Variants in MDH2 observed in about 807,000 individuals in gnomAD.
MDH2 encodes malate dehydrogenase 2.
MDH2 carries 25 observed loss-of-function variants against 33.6 expected under a neutral mutation model. The observed-to-expected ratio is 0.74, with a 90% CI of 0.54 to 1.04. The LOEUF (loss-of-function observed/expected upper bound fraction) is 1.04, where lower values mean the gene tolerates loss of function less well. Among genes scored for constraint, MDH2 ranks in the 50% least tolerant of loss-of-function variants. The pLI is 0.00. For missense variants in MDH2, 432 were observed against 445.0 expected (o/e 0.97, Z 0.26); for synonymous variants, 193 against 188.7 (o/e 1.02, Z -0.19).
intron 1 of MDH2, 103 bp from the exon 2 acceptor site, chr7:76,054,727 C>A: frequency 7.7e-7 from 1 of 1,303,816 alleles, no homozygotes; most frequent in Non-Finnish European, 1.1e-6. Flanking sequence ...CTTGCTTTGG[C>A]AACTGCAGTA....
chr7:76,057,675 G>T (rs544540935), intron 3 of MDH2, among the ~76,000 whole-genome samples, 182 bp downstream of exon 3: 3 of 152,096 alleles, frequency 2.0e-5, no homozygotes, highest in Non-Finnish European at 2.9e-5. Flanking sequence ...TCGTCTTGCC[G>T]TTCCCCTGTG....
chr7:76,048,669 T>C (rs1391800297), intron 1 of MDH2: 1 of 1,249,492 alleles, frequency 8.0e-7, no homozygotes, highest in East Asian at 3.1e-5. Flanking sequence ...TTCCATAGTA[T>C]GGACAAACCG....
intron 8 of MDH2, among the ~76,000 whole-genome samples, chr7:76,065,961 G>A (rs1026603346): frequency 6.6e-6 from 1 of 152,204 alleles, no homozygotes; most frequent in Non-Finnish European, 1.5e-5. Context: ...TTGTCGCATT[G>A]TCCTCGTGTT....
intron 4 of MDH2, among the ~76,000 whole-genome samples, chr7:76,059,527 G>A (rs772446221): frequency 2.0e-5 from 3 of 152,210 alleles, no homozygotes; most frequent in East Asian, 1.9e-4. Context: ...CTGAGAGGGC[G>A]GCCATGGTTC....
intron 8 of MDH2, 62 bp from the exon 9 acceptor site, chr7:76,066,217 G>A (rs1220118383): frequency 1.2e-5 from 19 of 1,579,430 alleles, no homozygotes; most frequent in East Asian, 4.5e-5. Context: ...GCGACAGGTC[G>A]GGGTTTCTCT....
intron 1 of MDH2, chr7:76,049,132 C>G: frequency 2.0e-6 from 2 of 983,054 alleles, no homozygotes; most frequent in Non-Finnish European, 2.4e-6. Context: ...TCGAAGTTCT[C>G]GAGTTTCCTG....
Position 76,048,214 on chromosome 7 carries a change from C to G in MDH2, c.54C>G (p.Ser18Arg). 6.5e-7 allele frequency: 1 copy of G among 1,535,662 alleles called. No homozygotes were observed. The highest frequency in any genetic ancestry group is 1.2e-5 in the South Asian group (1 of 83,980). ...PASAALRRSF[S>R]TSAQNNAKVA... ...GCGCTGCTCTCCGCCGCAGCTTCAGCACCTCGGCCCAGGTAGGCCAGACGA... is the reference window on the plus strand; with the variant it reads ...GCGCTGCTCTCCGCCGCAGCTTCAGGACCTCGGCCCAGGTAGGCCAGACGA... Residue 18 changes from serine to arginine, a missense_variant, in exon 1 of 9, where the codon AGC becomes AGG. Transcript: ENST00000315758.
At chr7:76,064,573 C>A in intron 7 of MDH2, 135 bp downstream of exon 7, 1 of 970,410 alleles carries the variant, frequency 1.0e-6, no homozygotes, top group Non-Finnish European at 1.5e-6. Context: ...GGTGGAAAAT[C>A]CCTGTGTGAG....
intron 3 of MDH2, among the ~76,000 whole-genome samples, 181 bp downstream of exon 3, chr7:76,057,674 C>A (rs1047098631): frequency 2.6e-5 from 4 of 152,136 alleles, no homozygotes; most frequent in Non-Finnish European, 5.9e-5. Context: ...GTCGTCTTGC[C>A]GTTCCCCTGT....
chr7:76,058,067 A>G lies in MDH2; in HGVS notation c.418A>G (p.Ile140Val). 2 of 1,613,048 alleles carry G rather than the reference A, an allele frequency of 1.2e-6. No individual in the cohort carries two copies. Among genetic ancestry groups the G allele is most frequent in the Non-Finnish European group, 1.7e-6 (2 of 1,179,938 alleles). The change falls in exon 4 of 9, where the codon ATT becomes GTT. Residue 140 changes from isoleucine (I) to valine (V), a missense_variant. By Grantham distance (29) the Ile-to-Val change is conservative. Coordinates refer to ENST00000315758, the MANE Select transcript of MDH2 (RefSeq NM_005918.4). ...CTGCCCGGAAGCCATGATCTGCGTCATTGCCAATCCGGTGAGTGTGGCAGC... is the reference window on the plus strand; with the variant it reads ...CTGCCCGGAAGCCATGATCTGCGTCGTTGCCAATCCGGTGAGTGTGGCAGC... ...QHCPEAMICV[I>V]ANPVNSTIPI...
In MDH2 at chr7:76,064,949, T is replaced by C; in HGVS notation, c.881T>C (p.Leu294Pro). Residue 294 changes from leucine (L) to proline (P), a missense_variant, in exon 8 of 9, where the codon CTT becomes CCT. By Grantham distance (98) the Leu-to-Pro change is moderately conservative. Transcript: ENST00000315758. ...ECTYFSTPLL[L>P]GKKGIEKNLG... ...ACCTACTTCTCCACACCGCTGCTGCTTGGGGTACGTATCCAGGCGTGGGTC... is the reference window on the plus strand; with the variant it reads ...ACCTACTTCTCCACACCGCTGCTGCCTGGGGTACGTATCCAGGCGTGGGTC... 5.0e-6 allele frequency: 8 copies of C among 1,614,120 alleles called. No individual in the cohort carries two copies. The highest frequency in any genetic ancestry group is 6.8e-6 in the Non-Finnish European group (8 of 1,180,006).
intron 1 of MDH2, chr7:76,048,961 A>G: frequency 1.6e-6 from 1 of 614,900 alleles, no homozygotes; most frequent in Non-Finnish European, 1.9e-6. Flanking sequence ...GTCTGGGTTC[A>G]TTGAAGAAGC....
In MDH2 at chr7:76,049,613, G is replaced by A. The variant is rs138497513; in HGVS notation, c.66+1387G>A. On this transcript the variant is annotated intron_variant, in intron 1 of 8. Transcript: ENST00000315758. The stretch of plus-strand genomic sequence containing the variant: ...CCAAAGAGAGGACAGGGGTGTCCAG[G>A]GAGAGGTTGAGTTTTGGTAGGACCT... Among the ~76,000 whole-genome samples the A allele has an allele frequency of 2.1e-3, 313 of 152,222 alleles. 2 individuals carry two copies. Among genetic ancestry groups the A allele is most frequent in the African/African-American group, 7.1e-3 (296 of 41,524 alleles).
intron 6 of MDH2, 97 bp downstream of exon 6, chr7:76,063,689 C>A: frequency 2.4e-6 from 3 of 1,272,504 alleles, no homozygotes; most frequent in South Asian, 2.4e-5. Context: ...AAGGCCTGGC[C>A]ACGTGCCAGG....
At chr7:76,057,886 G>A (rs571446057) in intron 3 of MDH2, 83 bp from the exon 4 acceptor site, 1 of 1,344,130 alleles carries the variant, frequency 7.4e-7, no homozygotes, top group African/African-American at 1.4e-5. Flanking sequence ...TAAATTTCCT[G>A]TAACAGCTGG....
At chr7:76,060,833 G>T (rs531258702) in intron 5 of MDH2, among the ~76,000 whole-genome samples, 2 of 151,890 alleles carry the variant, frequency 1.3e-5, no homozygotes, top group South Asian at 4.2e-4. Flanking sequence ...CTTTCTCCTT[G>T]CCCCTGAAAA....
chr7:76,054,605 C>T, intron 1 of MDH2: 1 of 554,534 alleles, frequency 1.8e-6, no homozygotes, highest in African/African-American at 1.9e-5. Flanking sequence ...TTGAAGTACC[C>T]TGAGTATCAC....
Position 76,064,808 on chromosome 7 carries a change from C to A in MDH2, c.740C>A (p.Ala247Asp). ...VVKAKAGAGS[A>D]TLSMAYAGAR... ...CCTGTCTGTGCCCCCCTAGGCTCTG[C>A]CACCCTCTCCATGGCGTATGCCGGC... Residue 247 changes from alanine to aspartate, a missense_variant, in exon 8 of 9, where the codon GCC becomes GAC. Coordinates refer to ENST00000315758, the MANE Select transcript of MDH2 (RefSeq NM_005918.4). 1 of 1,613,690 alleles carries A rather than the reference C, an allele frequency of 6.2e-7. No individual in the cohort carries two copies. The highest frequency in any genetic ancestry group is 8.5e-7 in the Non-Finnish European group (1 of 1,179,918).
chr7:76,059,660 A>T (rs1416797574), intron 4 of MDH2, among the ~76,000 whole-genome samples: 1 of 152,174 alleles, frequency 6.6e-6, no homozygotes, highest in African/African-American at 2.4e-5. Context: ...GGCAGGGACC[A>T]TGATGTCACT....
Sources: allele counts gnomAD v4.1 joint callset (sites outside exome capture counted in the v4.1 genomes callset), GRCh38; gene constraint gnomAD v4.1.1; transcripts MANE v1.5; gene names NCBI Gene and HGNC (gene_info 2026-07-23, HGNC 2026-07-21).